Variants in HPSE2 observed in about 807,000 individuals in gnomAD.
HPSE2 encodes the protein inactive heparanase-2.
A neutral mutation model predicts 60.5 loss-of-function variants in HPSE2; 38 were observed. The ratio of observed to expected loss-of-function variants is 0.63; its 90% CI spans 0.48 to 0.82. The LOEUF is 0.82. HPSE2 is among the 40% of genes least tolerant of loss of function. The pLI is 0.00. For synonymous variants in HPSE2, 295 were observed against 293.2 expected, an observed-to-expected ratio of 1.01 and a Z score of -0.06; for missense variants, 713 against 740.4, an observed-to-expected ratio of 0.96 and a Z score of 0.43.
intron 3 of HPSE2, among the ~76,000 whole-genome samples, chr10:99,008,706 G>A (rs375115583): frequency 9.9e-5 from 15 of 152,042 alleles, no homozygotes; most frequent in African/African-American, 1.9e-4. Context: ...GTCAATAATC[G>A]AGAGATATGC....
upstream of HPSE2, among the ~76,000 whole-genome samples, chr10:99,237,056 T>TTAATATAACA: frequency 6.6e-6 from 1 of 152,272 alleles, no homozygotes; most frequent in South Asian, 2.1e-4. Context: ...GCCGCTGTGA[T>TTAATATAACA]GCACGACCCG....
intron 3 of HPSE2, among the ~76,000 whole-genome samples, chr10:98,760,681 T>C (rs960328187): frequency 1.3e-5 from 2 of 152,132 alleles, no homozygotes; most frequent in Non-Finnish European, 2.9e-5. Context: ...CTTACTGTGC[T>C]GTTGAATTTG....
intron 6 of HPSE2, among the ~76,000 whole-genome samples, chr10:98,676,785 T>A (rs1316142728): frequency 6.6e-6 from 1 of 152,192 alleles, no homozygotes; most frequent in East Asian, 1.9e-4. Flanking sequence ...TAAAGTTCAC[T>A]TTTTTGCTCT....
At chr10:98,950,932 A>T (rs925118886) in intron 3 of HPSE2, among the ~76,000 whole-genome samples, 1 of 152,192 alleles carries the variant, frequency 6.6e-6, no homozygotes, top group African/African-American at 2.4e-5. Flanking sequence ...CTGTTTACAC[A>T]TGTACTGACC....
chr10:98,467,346 A>G (rs1309830243), intron 11 of HPSE2, among the ~76,000 whole-genome samples: 2 of 152,212 alleles, frequency 1.3e-5, no homozygotes, highest in Non-Finnish European at 2.9e-5. Flanking sequence ...TGGGCAAAAG[A>G]ACTACTACCT....
intron 3 of HPSE2, among the ~76,000 whole-genome samples, chr10:98,764,394 A>G (rs1469097705): frequency 6.6e-6 from 1 of 152,196 alleles, no homozygotes; most frequent in Admixed American, 6.5e-5. Context: ...AGACAAAAAG[A>G]AAGCAAATAA....
intron 9 of HPSE2, among the ~76,000 whole-genome samples, chr10:98,566,797 G>A (rs979879070): frequency 6.6e-6 from 1 of 152,180 alleles, no homozygotes; most frequent in African/African-American, 2.4e-5. Flanking sequence ...GTTTGAGTTA[G>A]AGGCTCTCCT....
chr10:98,950,009 C>A (rs920698733), intron 3 of HPSE2, among the ~76,000 whole-genome samples: 1 of 152,156 alleles, frequency 6.6e-6, no homozygotes, highest in Non-Finnish European at 1.5e-5. Context: ...TGAGAATCTT[C>A]AGGAACAGCT....
At chr10:98,831,587 G>A (rs1055154360) in intron 3 of HPSE2, among the ~76,000 whole-genome samples, 9 of 152,190 alleles carry the variant, frequency 5.9e-5, no homozygotes, top group Admixed American at 2.0e-4. Flanking sequence ...ATAGCAGCTG[G>A]AAATTTGGGA....
intron 3 of HPSE2, among the ~76,000 whole-genome samples, chr10:99,071,906 C>T (rs1476105387): frequency 1.3e-5 from 2 of 152,066 alleles, no homozygotes; most frequent in South Asian, 2.1e-4. Flanking sequence ...TTTCTGAGCT[C>T]TCAATTCTGT....
chr10:98,830,125 C>A (rs1951649765), intron 3 of HPSE2, among the ~76,000 whole-genome samples: 1 of 152,162 alleles, frequency 6.6e-6, no homozygotes, highest in Non-Finnish European at 1.5e-5. Context: ...TTCATTTATT[C>A]AATCAGACAG....
At chr10:99,189,448 G>A (rs908140241) in intron 2 of HPSE2, among the ~76,000 whole-genome samples, 17 of 152,160 alleles carry the variant, frequency 1.1e-4, no homozygotes, top group Non-Finnish European at 1.3e-4. Context: ...CCTGACCTTG[G>A]GAGGAGAGGA....
chr10:98,503,431 A>G (rs1230474784), intron 9 of HPSE2, among the ~76,000 whole-genome samples: 1 of 152,210 alleles, frequency 6.6e-6, no homozygotes, highest in Admixed American at 6.5e-5. Context: ...GTAAACTAGT[A>G]CAGCCACTAT....
intron 3 of HPSE2, among the ~76,000 whole-genome samples, chr10:98,978,898 G>A (rs1258005670): frequency 1.3e-4 from 20 of 152,200 alleles, no homozygotes; most frequent in Admixed American, 1.3e-3. Context: ...ACACAGAAAG[G>A]TAAAAAATTG....
At chr10:99,167,768 C>G (rs911288128) in intron 2 of HPSE2, among the ~76,000 whole-genome samples, 1 of 152,002 alleles carries the variant, frequency 6.6e-6, no homozygotes. Context: ...CACAAACACA[C>G]GTATACAGAA....
intron 2 of HPSE2, among the ~76,000 whole-genome samples, chr10:99,187,933 A>T (rs1029251105): frequency 4.6e-5 from 7 of 152,232 alleles, no homozygotes; most frequent in African/African-American, 1.4e-4. Context: ...AAAAGATATA[A>T]ATCTTCATAG....
intron 3 of HPSE2, among the ~76,000 whole-genome samples, chr10:99,044,699 AT>A (rs200747357): frequency 0.051 from 7,674 of 151,892 alleles, 284 homozygotes; most frequent in African/African-American, 0.094. Flanking sequence ...AACAAAAAAA[AT>A]AGCAGGAATT....
chr10:99,213,013 T>C (rs1849000400), intron 2 of HPSE2, among the ~76,000 whole-genome samples: 1 of 152,164 alleles, frequency 6.6e-6, no homozygotes, highest in South Asian at 2.1e-4. Flanking sequence ...GGTTACCATT[T>C]TAGCATAAGG....
In HPSE2 at chr10:98,942,145, A is replaced by G. The variant is rs943696781; in HGVS notation, c.611-198089T>C. On this transcript the variant is annotated intron_variant, in intron 3 of 11. Transcript: ENST00000370552. ...AAAAACCCTAGAAGAAAACCTAGGC[A>G]TTACCATTCAGGACATAGGCATGGG... 1.0e-4 allele frequency among the ~76,000 whole-genome samples: 14 copies of G among 138,488 alleles called. 1 individual carries two copies. The highest frequency in any genetic ancestry group is 3.0e-4 in the African/African-American group (10 of 33,710). 90.9% of individuals were successfully genotyped at this position (138,488 alleles called of 152,430 possible). A position where few individuals can be genotyped will look rare whatever the true frequency, so the allele number is the denominator to read the frequency against.
Sources: allele counts gnomAD v4.1 joint callset (sites outside exome capture counted in the v4.1 genomes callset), GRCh38; gene constraint gnomAD v4.1.1; transcripts MANE v1.5; gene names NCBI Gene and HGNC (gene_info 2026-07-23, HGNC 2026-07-21).